SIAH3: variants seen among roughly 807,000 people sequenced by gnomAD.
SIAH3 encodes siah E3 ubiquitin protein ligase family member 3, also known as seven in absentia homolog 3.
Under a neutral mutation model 12.6 loss-of-function variants are expected in SIAH3, and 9 were observed. The observed-to-expected ratio is 0.72, with a 90% CI of 0.43 to 1.25. SIAH3 has a LOEUF of 1.25. SIAH3 is among the 50% of genes most tolerant of loss of function. SIAH3 has a pLI of 0.00. For missense variants in SIAH3, 390 were observed against 365.4 expected, an observed-to-expected ratio of 1.07 and a Z score of -0.55; for synonymous variants, 154 against 151.1, an observed-to-expected ratio of 1.02 and a Z score of -0.14.
chr13:45,786,748 C>A (rs1374739708), intron 1 of SIAH3, among the ~76,000 whole-genome samples: 3 of 152,176 alleles, frequency 2.0e-5, no homozygotes, highest in Non-Finnish European at 2.9e-5. Flanking sequence ...GATCAAGTCA[C>A]TTTCACACAC....
At chr13:45,788,135 C>G (rs1950534189) in intron 1 of SIAH3, among the ~76,000 whole-genome samples, 1 of 152,124 alleles carries the variant, frequency 6.6e-6, no homozygotes, top group South Asian at 2.1e-4. Flanking sequence ...AGAATAAACA[C>G]AACCTTAATT....
intron 1 of SIAH3, among the ~76,000 whole-genome samples, chr13:45,803,347 C>T (rs1950588760): frequency 6.6e-6 from 1 of 152,102 alleles, no homozygotes; most frequent in Admixed American, 6.5e-5. Flanking sequence ...TAAATAATAC[C>T]CAGTGTCTGT....
chr13:45,842,806 C>T (rs1259465873), intron 1 of SIAH3, among the ~76,000 whole-genome samples: 1 of 152,194 alleles, frequency 6.6e-6, no homozygotes, highest in Non-Finnish European at 1.5e-5. Flanking sequence ...AAACATTTCT[C>T]TTCTTTCCCA....
At chr13:45,798,985 C>T (rs958948215) in intron 1 of SIAH3, among the ~76,000 whole-genome samples, 1 of 152,180 alleles carries the variant, frequency 6.6e-6, no homozygotes, top group South Asian at 2.1e-4. Flanking sequence ...AATGTACCAG[C>T]CTCACGACAA....
intron 1 of SIAH3, among the ~76,000 whole-genome samples, chr13:45,788,138 C>T (rs1013459924): frequency 2.0e-5 from 3 of 152,166 alleles, no homozygotes; most frequent in African/African-American, 4.8e-5. Context: ...ATAAACACAA[C>T]CTTAATTTTT....
chr13:45,819,147 A>T (rs927384919), intron 1 of SIAH3, among the ~76,000 whole-genome samples: 1 of 152,194 alleles, frequency 6.6e-6, no homozygotes, highest in Non-Finnish European at 1.5e-5. Context: ...AGAGAAAGGA[A>T]GAGAGGCCAG....
chr13:45,786,145 G>A (rs1950527192), intron 1 of SIAH3, among the ~76,000 whole-genome samples: 2 of 152,262 alleles, frequency 1.3e-5, no homozygotes, highest in South Asian at 4.1e-4. Flanking sequence ...CTGGGATCAT[G>A]CAGGAAGCCC....
rs376056611 is a variant in SIAH3 at position 45,783,462 on chromosome 13, A to C, written c.731T>G (p.Leu244Arg). 1 of 1,614,046 alleles carries C rather than the reference A, an allele frequency of 6.2e-7. No homozygotes were observed. The highest frequency in any genetic ancestry group is 1.7e-5 in the Admixed American group (1 of 60,022). ...CLVLNTSLAQ[L>R]FSDNGSLAIG... The stretch of plus-strand genomic sequence containing the variant: ...GGCAAGGCTGCCGTTGTCAGAGAAG[A>C]GCTGTGCCAGCGAGGTGTTGAGGAC... The change falls in exon 2 of 2, where the codon CTC (leucine) becomes CGC (arginine). Residue 244 changes from leucine to arginine, a missense_variant. Transcript: ENST00000400405.
chr13:45,777,672 T>A lies in SIAH3; in HGVS notation c.*5711A>T, dbSNP rs1950489268. ...AACTCACCAATTCCTGAAGAAAATC[T>A]TATGAACAAAAAAATCTGAAATTTA... On this transcript the variant is annotated 3_prime_UTR_variant, in exon 2 of 2. Transcript: ENST00000400405. 1 of 152,200 alleles carries A rather than the reference T, an allele frequency of 6.6e-6. No homozygotes were observed. Among genetic ancestry groups the A allele is most frequent in the Non-Finnish European group, 1.5e-5 (1 of 68,040 alleles). The allele number at this position is 152,200 out of a possible 1,614,324, so 9.4% of individuals were successfully genotyped here. A position where few individuals can be genotyped will look rare whatever the true frequency, so the allele number is the denominator to read the frequency against.
intron 1 of SIAH3, among the ~76,000 whole-genome samples, chr13:45,820,481 G>C (rs1312784576): frequency 1.3e-5 from 2 of 152,114 alleles, no homozygotes; most frequent in Admixed American, 6.5e-5. Context: ...ACTGTTTAAG[G>C]CCTATGTTTG....
intron 1 of SIAH3, among the ~76,000 whole-genome samples, chr13:45,846,996 C>A (rs561830160): frequency 6.6e-6 from 1 of 152,212 alleles, no homozygotes; most frequent in Non-Finnish European, 1.5e-5. Context: ...GAAGAGGCTG[C>A]AAAGCCTTTA....
At chr13:45,788,528 T>C (rs1342106103) in intron 1 of SIAH3, among the ~76,000 whole-genome samples, 1 of 152,226 alleles carries the variant, frequency 6.6e-6, no homozygotes, top group Non-Finnish European at 1.5e-5. Context: ...TTAGGCTTTA[T>C]AGGCTGGGGA....
intron 1 of SIAH3, among the ~76,000 whole-genome samples, chr13:45,821,558 CA>C (rs899048569): frequency 6.6e-6 from 1 of 152,120 alleles, no homozygotes; most frequent in Non-Finnish European, 1.5e-5. Context: ...AGTATGCCAT[CA>C]AAAAAATTTG....
intron 1 of SIAH3, among the ~76,000 whole-genome samples, chr13:45,822,022 A>C (rs185197048): frequency 1.7e-4 from 26 of 152,250 alleles, no homozygotes; most frequent in African/African-American, 5.8e-4. Context: ...CCCCGGCAGG[A>C]CTATACCCCT....
rs1041814502 is a variant in SIAH3, at chr13:45,832,636, T to C, written c.135+18859A>G. On this transcript the variant is annotated intron_variant, in intron 1 of 1. Transcript: ENST00000400405. Reference sequence around the variant, plus strand: ...ACCTCTTGGCTAGTGTGAATAATGCTGCAATAAACATCCGTTTGACTTTTT... The same window carrying C: ...ACCTCTTGGCTAGTGTGAATAATGCCGCAATAAACATCCGTTTGACTTTTT... Among the ~76,000 whole-genome samples, 20 of 152,258 alleles carry C rather than the reference T, an allele frequency of 1.3e-4. 1 individual carries two copies. The highest frequency in any genetic ancestry group is 7.2e-4 in the Admixed American group (11 of 15,286).
At chr13:45,794,774 T>G (rs1039236790) in intron 1 of SIAH3, among the ~76,000 whole-genome samples, 9 of 152,178 alleles carry the variant, frequency 5.9e-5, no homozygotes, top group African/African-American at 2.2e-4. Context: ...CAGTCTCAGG[T>G]GTGTCTTTAT....
At chr13:45,789,532 G>A (rs1950539427) in intron 1 of SIAH3, among the ~76,000 whole-genome samples, 1 of 152,026 alleles carries the variant, frequency 6.6e-6, no homozygotes, top group South Asian at 2.1e-4. Context: ...TCAGTTTCCT[G>A]AGTAGCTGGG....
intron 1 of SIAH3, among the ~76,000 whole-genome samples, chr13:45,807,946 C>T (rs1427562055): frequency 3.9e-5 from 6 of 152,198 alleles, no homozygotes; most frequent in African/African-American, 7.2e-5. Context: ...AAGCTCATTA[C>T]TTCCTAAATA....
intron 1 of SIAH3, among the ~76,000 whole-genome samples, chr13:45,821,828 A>G (rs567176178): frequency 7.2e-5 from 11 of 152,308 alleles, no homozygotes; most frequent in Admixed American, 3.9e-4. Context: ...GTAGGAAGAG[A>G]GAACAAGAAC....
Sources: gnomAD v4.1 joint callset for allele counts (sites outside exome capture counted in the v4.1 genomes callset) on GRCh38, gnomAD v4.1.1 for gene constraint, MANE v1.5 for transcripts, NCBI Gene and HGNC (gene_info 2026-07-23, HGNC 2026-07-21) for gene names.